Variants in ZCCHC7 observed in about 807,000 individuals in gnomAD.
ZCCHC7 encodes zinc finger CCHC domain-containing protein 7.
ZCCHC7 carries 35 observed loss-of-function variants against 52.0 expected under a neutral mutation model. The ratio of observed to expected loss-of-function variants is 0.67; its 90% confidence interval spans 0.51 to 0.89. The LOEUF is 0.89. Ranked by LOEUF, ZCCHC7 falls within the 40% of genes least tolerant of loss-of-function variation. The pLI is 0.00. For missense variants in ZCCHC7, 574 were observed against 649.1 expected (o/e 0.88, Z 1.26); for synonymous variants, 217 against 221.5 (o/e 0.98, Z 0.18).
At chr9:37,322,076 T>C (rs1271215373) in intron 5 of ZCCHC7, among the ~76,000 whole-genome samples, 1 of 152,148 alleles carries the variant, frequency 6.6e-6, no homozygotes, top group African/African-American at 2.4e-5. Flanking sequence ...CTGAGTGAGC[T>C]GAAAGTTATG....
intron 5 of ZCCHC7, among the ~76,000 whole-genome samples, chr9:37,313,094 A>G (rs542455522): frequency 6.6e-6 from 1 of 152,314 alleles, no homozygotes; most frequent in Admixed American, 6.5e-5. Flanking sequence ...GACAGTGTGC[A>G]TTACACCTAC....
At chr9:37,317,531 G>C (rs1829875145) in intron 5 of ZCCHC7, among the ~76,000 whole-genome samples, 1 of 152,150 alleles carries the variant, frequency 6.6e-6, no homozygotes, top group South Asian at 2.1e-4. Flanking sequence ...AGGCAACATG[G>C]TGAGAGTTCA....
In ZCCHC7 at chr9:37,126,593, T is replaced by A. The variant is rs143863591; in HGVS notation, c.261T>A (p.Asp87Glu). 4.0e-5 allele frequency: 65 copies of A among 1,614,168 alleles called. No individual in the cohort carries two copies. The East Asian group carries it at 1.3e-3, about 32-fold the overall frequency. The change falls in exon 2 of 9, where the codon GAT (aspartate) becomes GAA (glutamate). Residue 87 changes from aspartate (D) to glutamate (E), a missense_variant. Asp to Glu is a conservative substitution (Grantham distance 45). This residue lies in a region of ZCCHC7 where 403 missense variants were observed against 461.2 expected (regional missense o/e 0.87). Transcript: ENST00000336755. ...LSDSEVIQLS[D>E]GSEVITLSDE... is the part of the protein sequence containing the mutation. ...ATAGTGAGGTCATCCAGCTGTCAGA[T>A]GGGTCAGAGGTCATCACTTTGTCTG...
intron 4 of ZCCHC7, among the ~76,000 whole-genome samples, chr9:37,304,518 G>C (rs534505333): frequency 6.6e-6 from 1 of 152,100 alleles, no homozygotes; most frequent in African/African-American, 2.4e-5. Flanking sequence ...TTAGCCGGGC[G>C]TGATGGCGGG....
intron 2 of ZCCHC7, among the ~76,000 whole-genome samples, chr9:37,235,596 T>C (rs1222407986): frequency 7.7e-6 from 1 of 130,706 alleles, no homozygotes; most frequent in Non-Finnish European, 1.6e-5. Context: ...CCCTGTCCTT[T>C]TTTTCTTTTC....
intron 2 of ZCCHC7, among the ~76,000 whole-genome samples, chr9:37,267,896 G>C (rs955584301): frequency 5.3e-5 from 8 of 151,922 alleles, no homozygotes; most frequent in Admixed American, 6.6e-5. Flanking sequence ...ATAGAGACAG[G>C]GTCGCACCAT....
chr9:37,258,059 A>T (rs1460095198), intron 2 of ZCCHC7, among the ~76,000 whole-genome samples: 1 of 152,218 alleles, frequency 6.6e-6, no homozygotes, highest in Non-Finnish European at 1.5e-5. Context: ...TGAGAAATTG[A>T]TCTGAGGAAA....
chr9:37,266,813 G>A (rs1222617666), intron 2 of ZCCHC7, among the ~76,000 whole-genome samples: 2 of 152,196 alleles, frequency 1.3e-5, no homozygotes, highest in Non-Finnish European at 2.9e-5. Flanking sequence ...GATCAAGGCT[G>A]TAGTGAGCAA....
intron 2 of ZCCHC7, among the ~76,000 whole-genome samples, 174 bp downstream of exon 2, chr9:37,127,116 G>T (rs1450419509): frequency 6.6e-6 from 1 of 152,176 alleles, no homozygotes; most frequent in Non-Finnish European, 1.5e-5. Context: ...ATGGTGGTTT[G>T]TCTGAACGTC....
At chr9:37,135,698 A>G (rs945012645) in intron 2 of ZCCHC7, among the ~76,000 whole-genome samples, 4 of 152,164 alleles carry the variant, frequency 2.6e-5, no homozygotes, top group African/African-American at 4.8e-5. Context: ...TATAGAGTAG[A>G]GCTCTTTACA....
At chr9:37,258,757 T>TAAAAAAAAAAAAA (rs5897683) in intron 2 of ZCCHC7, among the ~76,000 whole-genome samples, 3 of 55,366 alleles carry the variant, frequency 5.4e-5, no homozygotes, top group African/African-American at 2.6e-4. Context: ...TCCTGTCTCT[T>TAAAAAAAAAAAAA]AAAAAAAAAA....
At chr9:37,242,508 G>A (rs914904023) in intron 2 of ZCCHC7, among the ~76,000 whole-genome samples, 2 of 151,754 alleles carry the variant, frequency 1.3e-5, no homozygotes, top group South Asian at 2.1e-4. Flanking sequence ...TCCATAATAT[G>A]TATTTCTGTT....
chr9:37,244,032 A>T (rs887480118), intron 2 of ZCCHC7, among the ~76,000 whole-genome samples: 3 of 151,836 alleles, frequency 2.0e-5, no homozygotes, highest in Admixed American at 6.6e-5. Context: ...AACAATAAGG[A>T]TTTACCTTAA....
At chr9:37,261,238 T>A (rs7037816) in intron 2 of ZCCHC7, among the ~76,000 whole-genome samples, 31,169 of 152,136 alleles carry the variant, frequency 0.2, 3,447 homozygotes, top group Non-Finnish European at 0.24. Context: ...TCAACAGATT[T>A]TTTTTAGAGG....
chr9:37,245,081 T>G (rs973670627), intron 2 of ZCCHC7, among the ~76,000 whole-genome samples: 2 of 151,986 alleles, frequency 1.3e-5, no homozygotes, highest in African/African-American at 4.8e-5. Context: ...TAGAAAAGAC[T>G]GATTTTCAAA....
intron 2 of ZCCHC7, among the ~76,000 whole-genome samples, chr9:37,171,796 T>A (rs2132982613): frequency 6.6e-6 from 1 of 152,296 alleles, no homozygotes; most frequent in East Asian, 1.9e-4. Context: ...CTAATAAAAT[T>A]CCAAGACCTT....
At chr9:37,262,177 AGT>A (rs1826896917) in intron 2 of ZCCHC7, among the ~76,000 whole-genome samples, 1 of 152,074 alleles carries the variant, frequency 6.6e-6, no homozygotes, top group South Asian at 2.1e-4. Context: ...TCCAAGAGAA[AGT>A]GTGCCGAATT....
intron 5 of ZCCHC7, among the ~76,000 whole-genome samples, chr9:37,326,672 T>C (rs1170289703): frequency 1.3e-5 from 2 of 150,182 alleles, no homozygotes; most frequent in Non-Finnish European, 2.9e-5. Context: ...TTTCTTAAAT[T>C]ATTATCATAG....
chr9:37,248,424 G>A (rs902384475), intron 2 of ZCCHC7, among the ~76,000 whole-genome samples: 2 of 152,192 alleles, frequency 1.3e-5, no homozygotes, highest in African/African-American at 4.8e-5. Context: ...CGTTTCAGTA[G>A]TAGTGGTTCC....
Sources: gnomAD v4.1 joint callset for allele counts (sites outside exome capture counted in the v4.1 genomes callset) on GRCh38, gnomAD v4.1.1 for gene constraint, gnomAD v4.1.1 regional missense constraint, MANE v1.5 for transcripts, NCBI Gene and HGNC (gene_info 2026-07-23, HGNC 2026-07-21) for gene names.